TRAPPC10: variants seen among roughly 807,000 people sequenced by gnomAD.
The protein encoded by TRAPPC10 is trafficking protein particle complex subunit 10.
A neutral mutation model predicts 125.5 loss-of-function variants in TRAPPC10; 23 were observed. The observed-to-expected ratio is 0.18, with a 90% CI of 0.13 to 0.26. TRAPPC10 has a LOEUF of 0.26. TRAPPC10 is among the 10% of genes least tolerant of loss of function. The pLI is 1.00. For synonymous variants in TRAPPC10, 509 were observed against 518.0 expected (o/e 0.98, Z 0.24); for missense variants, 1,123 against 1,308.4 (o/e 0.86, Z 2.19).
intron 4 of TRAPPC10, among the ~76,000 whole-genome samples, chr21:44,052,970 C>G (rs953132324): frequency 6.6e-6 from 1 of 152,094 alleles, no homozygotes; most frequent in African/African-American, 2.4e-5. Context: ...TTGCCCTGCT[C>G]TCTCTCCTGG....
intron 13 of TRAPPC10, 46 bp downstream of exon 13, chr21:44,080,173 A>C: frequency 6.7e-7 from 1 of 1,503,390 alleles, no homozygotes; most frequent in Non-Finnish European, 9.2e-7. Flanking sequence ...TTCAAATATT[A>C]CAGAAGTAAA....
At chr21:44,075,939 T>C (rs1569200300) in intron 9 of TRAPPC10, among the ~76,000 whole-genome samples, 1 of 151,996 alleles carries the variant, frequency 6.6e-6, no homozygotes, top group African/African-American at 2.4e-5. Context: ...ATCCCAGCTA[T>C]TCGGGAGGCT....
intron 18 of TRAPPC10, among the ~76,000 whole-genome samples, chr21:44,091,593 C>T (rs1601832759): frequency 6.6e-6 from 1 of 152,204 alleles, no homozygotes; most frequent in East Asian, 1.9e-4. Context: ...ACACGTGCCA[C>T]CACGTCTGGC....
chr21:44,023,777 T>TTTTTG (rs551842760), intron 1 of TRAPPC10, among the ~76,000 whole-genome samples: 20 of 152,192 alleles, frequency 1.3e-4, no homozygotes, highest in Non-Finnish European at 2.6e-4. Context: ...TTGTTTTTTG[T>TTTTTG]TTTTGTTTTG....
chr21:44,077,178 G>A (rs1392594060), intron 10 of TRAPPC10, among the ~76,000 whole-genome samples: 3 of 151,928 alleles, frequency 2.0e-5, no homozygotes, highest in Non-Finnish European at 2.9e-5. Context: ...TGAGTTTGTG[G>A]GTTTCTTTTA....
Position 44,012,455 on chromosome 21 carries a change from A to G in TRAPPC10, c.-39A>G. ...GCCCGGCGCGGCCTCGGGGCTGCCC[A>G]TGGGGCGCGGGGGGCCGGGCCGGTG... On this transcript the variant is annotated 5_prime_UTR_variant, in exon 1 of 23. It removes an upstream start codon present in the reference 5' UTR. Coordinates refer to ENST00000291574, the MANE Select transcript of TRAPPC10 (RefSeq NM_003274.5). 1.4e-6 allele frequency: 2 copies of G among 1,383,448 alleles called. No individual in the cohort carries two copies. Among genetic ancestry groups the G allele is most frequent in the Non-Finnish European group, 1.9e-6 (2 of 1,048,534 alleles). 85.7% of individuals were successfully genotyped at this position (1,383,448 alleles called of 1,614,324 possible).
chr21:44,094,140 C>T lies in TRAPPC10; in HGVS notation c.3075C>T (p.Cys1025=), dbSNP rs979880636. The T allele has an allele frequency of 1.2e-6, 2 of 1,614,074 alleles. No homozygotes were observed. Among genetic ancestry groups the T allele is most frequent in the African/African-American group, 2.7e-5 (2 of 74,932 alleles). ...WTEEPPPSLH[C]RFSVGFSPAS... ...AAGAGCCTCCCCCTTCTCTGCATTGCCGGTTCTCTGTTGGATTTTCCCCAG... is the reference window on the plus strand; with the variant it reads ...AAGAGCCTCCCCCTTCTCTGCATTGTCGGTTCTCTGTTGGATTTTCCCCAG... The change falls in exon 20 of 23, where the codon TGC becomes TGT. Residue 1025 remains cysteine, a synonymous_variant. Transcript: ENST00000291574.
chr21:44,042,658 T>C (rs1846026144), intron 3 of TRAPPC10, among the ~76,000 whole-genome samples: 1 of 152,216 alleles, frequency 6.6e-6, no homozygotes. Context: ...GCTTGTGTTG[T>C]TTAGGTCATT....
At chr21:44,052,150 A>G (rs1045265682) in intron 3 of TRAPPC10, 130 bp from the exon 4 acceptor site, 46 of 786,758 alleles carry the variant, frequency 5.8e-5, no homozygotes, top group Non-Finnish European at 8.4e-5. Flanking sequence ...TTTTTATTCA[A>G]TTTAAGTCCC....
At chr21:44,039,278 A>G (rs904568274) in intron 3 of TRAPPC10, among the ~76,000 whole-genome samples, 19 of 152,166 alleles carry the variant, frequency 1.2e-4, no homozygotes, top group African/African-American at 4.6e-4. Context: ...AGCGCCTGCA[A>G]GGGCCTTCTG....
At chr21:44,048,797 GTTTTTTT>G (rs34892092) in intron 3 of TRAPPC10, among the ~76,000 whole-genome samples, 7 of 105,612 alleles carry the variant, frequency 6.6e-5, no homozygotes, top group East Asian at 3.0e-4. Context: ...CCCACCCTGT[GTTTTTTT>G]TTTTTTTTTT....
intron 1 of TRAPPC10, among the ~76,000 whole-genome samples, chr21:44,018,145 T>G (rs981440143): frequency 2.7e-5 from 2 of 72,772 alleles, no homozygotes; most frequent in African/African-American, 2.8e-4. Context: ...CTGATTTTCT[T>G]TTTTTTTTTC....
intron 3 of TRAPPC10, among the ~76,000 whole-genome samples, chr21:44,045,441 A>T (rs1224338721): frequency 6.6e-6 from 1 of 152,108 alleles, no homozygotes; most frequent in African/African-American, 2.4e-5. Flanking sequence ...ATTTTTTTTT[A>T]AAGATGTTTC....
In TRAPPC10 at chr21:44,082,925, C is replaced by T. The variant is rs150452816; in HGVS notation, c.1861C>T (p.His621Tyr). 3 of 1,613,952 alleles carry T rather than the reference C, an allele frequency of 1.9e-6. No homozygotes were observed. The African/African-American group carries it at 4.0e-5, about 22-fold the overall frequency. Residue 621 changes from histidine to tyrosine, a missense_variant, in exon 14 of 23, where the codon CAC becomes TAC. Physicochemically the swap from His to Tyr is moderately conservative, Grantham distance 83. This residue lies in a region of TRAPPC10 where 840 missense variants were observed against 902.0 expected (regional missense o/e 0.93). Transcript: ENST00000291574. The surrounding 1 kb of genome is among the most constrained non-coding windows in gnomAD (Gnocchi z 4.4). Reference sequence around the variant, plus strand: ...GTACAGCCAGATGCCTGTGCCTGTTCACGTGGAGCAGATTGTGGTCAATGT... The same window carrying T: ...GTACAGCCAGATGCCTGTGCCTGTTTACGTGGAGCAGATTGTGGTCAATGT... Reference protein sequence around the residue: ...TMYSQMPVPVHVEQIVVNVHF... With the variant: ...TMYSQMPVPVYVEQIVVNVHF...
intron 6 of TRAPPC10, chr21:44,060,049 T>G (rs2035915932): frequency 6.5e-6 from 1 of 154,870 alleles, no homozygotes; most frequent in Non-Finnish European, 1.4e-5. Context: ...CAGGAGAACC[T>G]GGAGGGAGAT....
At chr21:44,092,957 C>A (rs2038689022) in intron 19 of TRAPPC10, among the ~76,000 whole-genome samples, 1 of 152,064 alleles carries the variant, frequency 6.6e-6, no homozygotes, top group Admixed American at 6.6e-5. Context: ...CCAACACGCC[C>A]AGCTAATTTT....
At position 44,063,142 on chromosome 21, in the gene TRAPPC10, C is replaced by G; in HGVS notation, c.791-396C>G. On this transcript the variant is annotated intron_variant, in intron 6 of 22. Transcript: ENST00000291574. This position sits in a 1 kb window ranked among gnomAD's most constrained non-coding sequence, Gnocchi z 4.4. The stretch of plus-strand genomic sequence containing the variant: ...GAAGACCAAAAAACACCAGGATGGT[C>G]AGAGCAGGCTGCACTCCAGCCCACA... 1.5e-6 allele frequency: 2 copies of G among 1,307,080 alleles called. No homozygotes were observed. Among genetic ancestry groups the G allele is most frequent in the Non-Finnish European group, 2.0e-6 (2 of 992,602 alleles). The allele number at this position is 1,307,080 out of a possible 1,614,324, so 81.0% of individuals were successfully genotyped here. A position where few individuals can be genotyped will look rare whatever the true frequency, so the allele number is the denominator to read the frequency against.
chr21:44,088,950 G>A (rs1181662267), intron 17 of TRAPPC10: 6 of 158,710 alleles, frequency 3.8e-5, no homozygotes, highest in Admixed American at 2.0e-4. Context: ...TGGCGCTGGC[G>A]GCACCTGTGC....
intron 5 of TRAPPC10, among the ~76,000 whole-genome samples, chr21:44,056,985 G>A (rs978476139): frequency 2.0e-5 from 3 of 151,946 alleles, no homozygotes; most frequent in African/African-American, 7.3e-5. Flanking sequence ...TCTAAGATTA[G>A]TTCAGAATTT....
Sources: gnomAD v4.1 joint callset for allele counts (sites outside exome capture counted in the v4.1 genomes callset) on GRCh38, gnomAD v4.1.1 for gene constraint, gnomAD v4.1.1 regional missense constraint, Gnocchi (gnomAD v3.1) non-coding constraint, MANE v1.5 for transcripts, NCBI Gene and HGNC (gene_info 2026-07-23, HGNC 2026-07-21) for gene names.